Variants in SNAP25 observed in about 807,000 individuals in gnomAD.
The protein encoded by SNAP25 is synaptosomal-associated protein 25.
Under a neutral mutation model 28.7 loss-of-function variants are expected in SNAP25, and 3 were observed. The observed-to-expected ratio is 0.10, with a 90% confidence interval of 0.05 to 0.27. SNAP25 has a LOEUF of 0.27. Among genes scored for constraint, SNAP25 ranks in the 10% least tolerant of loss-of-function variants. SNAP25 has a pLI of 1.00. For synonymous variants in SNAP25, 61 were observed against 88.1 expected (o/e 0.69, Z 1.72); for missense variants, 117 against 278.7 (o/e 0.42, Z 4.13).
chr20:10,299,776 C>T (rs2064191888), intron 7 of SNAP25, among the ~76,000 whole-genome samples: 1 of 152,122 alleles, frequency 6.6e-6, no homozygotes, highest in Non-Finnish European at 1.5e-5. Flanking sequence ...ATATAATTCA[C>T]TAAGAGATCC....
At chr20:10,263,821 C>A (rs1158390239) in intron 1 of SNAP25, among the ~76,000 whole-genome samples, 1 of 152,144 alleles carries the variant, frequency 6.6e-6, no homozygotes, top group Non-Finnish European at 1.5e-5. Flanking sequence ...TGCGGCTGCA[C>A]TAACAGTAGC....
At chr20:10,229,738 T>C (rs980272164) in intron 1 of SNAP25, among the ~76,000 whole-genome samples, 1 of 152,164 alleles carries the variant, frequency 6.6e-6, no homozygotes, top group Non-Finnish European at 1.5e-5. Context: ...TGGCAGGTTA[T>C]ACTTCACACT....
chr20:10,283,051 A>G (rs2063808164), intron 3 of SNAP25, among the ~76,000 whole-genome samples: 1 of 152,218 alleles, frequency 6.6e-6, no homozygotes, highest in Non-Finnish European at 1.5e-5. Flanking sequence ...ATTTTACAAG[A>G]TGATTCATGT....
chr20:10,278,406 C>T (rs2063726372), intron 3 of SNAP25, among the ~76,000 whole-genome samples: 1 of 152,134 alleles, frequency 6.6e-6, no homozygotes, highest in South Asian at 2.1e-4. Flanking sequence ...AGGGCACTTG[C>T]AATCATAAAC....
At chr20:10,260,719 ACACAAACAC>A (rs2063398636) in intron 1 of SNAP25, among the ~76,000 whole-genome samples, 3 of 146,658 alleles carry the variant, frequency 2.0e-5, no homozygotes, top group Non-Finnish European at 4.5e-5. Flanking sequence ...ACACACACAC[ACACAAACAC>A]ACACACACAC....
At chr20:10,289,318 G>T (rs892794185) in intron 4 of SNAP25, among the ~76,000 whole-genome samples, 3 of 152,126 alleles carry the variant, frequency 2.0e-5, no homozygotes, top group Non-Finnish European at 2.9e-5. Flanking sequence ...GCTTTTACCT[G>T]CATATCTCTT....
At chr20:10,276,956 G>C (rs927630354) in intron 2 of SNAP25, among the ~76,000 whole-genome samples, 15 of 152,212 alleles carry the variant, frequency 9.9e-5, no homozygotes, top group Non-Finnish European at 1.5e-4. Context: ...CATCCTTCAG[G>C]TTCCTGCAGA....
chr20:10,292,818 C>G, intron 4 of SNAP25: 1 of 968,306 alleles, frequency 1.0e-6, no homozygotes, highest in Non-Finnish European at 1.6e-6. Context: ...ATAGTCATTT[C>G]TCATGTTCTG....
intron 4 of SNAP25, among the ~76,000 whole-genome samples, chr20:10,292,104 G>T: frequency 6.6e-6 from 1 of 152,134 alleles, no homozygotes; most frequent in East Asian, 1.9e-4. Flanking sequence ...CTTCCAAAGA[G>T]ACATTCATTC....
chr20:10,291,045 A>G (rs1014587565), intron 4 of SNAP25, among the ~76,000 whole-genome samples: 2 of 152,134 alleles, frequency 1.3e-5, no homozygotes, highest in African/African-American at 4.8e-5. Flanking sequence ...GGATTGCCAT[A>G]TATATAGCCT....
chr20:10,234,723 C>T (rs904616671), intron 1 of SNAP25, among the ~76,000 whole-genome samples: 6 of 152,098 alleles, frequency 3.9e-5, no homozygotes, highest in South Asian at 2.1e-4. Context: ...TGGGGAAACA[C>T]GATTAGACAT....
intron 1 of SNAP25, among the ~76,000 whole-genome samples, chr20:10,226,362 A>G (rs961138266): frequency 2.0e-5 from 3 of 152,194 alleles, no homozygotes; most frequent in African/African-American, 7.2e-5. Context: ...ACTTTTTCCA[A>G]TTCCATGATC....
intron 1 of SNAP25, among the ~76,000 whole-genome samples, chr20:10,241,219 G>C (rs2122736701): frequency 6.6e-6 from 1 of 152,084 alleles, no homozygotes; most frequent in East Asian, 1.9e-4. Context: ...GGGAAGTGAG[G>C]GCAGCATCTG....
At chr20:10,266,324 A>G (rs534981988) in intron 1 of SNAP25, among the ~76,000 whole-genome samples, 1 of 152,322 alleles carries the variant, frequency 6.6e-6, no homozygotes, top group South Asian at 2.1e-4. Flanking sequence ...TCTTCAAGAA[A>G]TTTCATCCAG....
In SNAP25 at chr20:10,293,703, A is replaced by C. The variant is rs1356896496; in HGVS notation, c.281+425A>C. Among the ~76,000 whole-genome samples, 1 of 152,242 alleles carries C rather than the reference A, an allele frequency of 6.6e-6. No homozygotes were observed. The highest frequency in any genetic ancestry group is 2.4e-5 in the African/African-American group (1 of 41,478). ...TGATTTTTTCCAAAATAAAAGAGAC[A>C]GGTAATTTGGCCCAGGGAAGGATTC... On this transcript the variant is annotated intron_variant, in intron 5 of 7. Transcript: ENST00000254976. This position sits in a 1 kb window ranked among gnomAD's most constrained non-coding sequence, Gnocchi z 5.6.
intron 1 of SNAP25, among the ~76,000 whole-genome samples, chr20:10,230,475 C>T (rs1313827865): frequency 6.6e-6 from 1 of 152,176 alleles, no homozygotes; most frequent in Non-Finnish European, 1.5e-5. Flanking sequence ...CTCTAGGACA[C>T]TTGTTCTCAA....
chr20:10,249,357 T>C (rs1009619950), intron 1 of SNAP25, among the ~76,000 whole-genome samples: 5 of 152,112 alleles, frequency 3.3e-5, no homozygotes, highest in African/African-American at 1.2e-4. Context: ...TGACTGTTTC[T>C]GACTGAAGGA....
At chr20:10,264,951 T>A (rs2063483027) in intron 1 of SNAP25, among the ~76,000 whole-genome samples, 1 of 145,504 alleles carries the variant, frequency 6.9e-6, no homozygotes, top group Admixed American at 6.9e-5. Context: ...AGATGGAGTC[T>A]CGCTCTGTTG....
At chr20:10,254,178 T>G (rs1410791606) in intron 1 of SNAP25, among the ~76,000 whole-genome samples, 1 of 152,246 alleles carries the variant, frequency 6.6e-6, no homozygotes, top group Non-Finnish European at 1.5e-5. Context: ...ATTTTACTCA[T>G]ACAGAAAGTT....
Sources: gnomAD v4.1 joint callset for allele counts (sites outside exome capture counted in the v4.1 genomes callset) on GRCh38, gnomAD v4.1.1 for gene constraint, Gnocchi (gnomAD v3.1) non-coding constraint, MANE v1.5 for transcripts, NCBI Gene and HGNC (gene_info 2026-07-23, HGNC 2026-07-21) for gene names.